SH3GL3: variants seen among roughly 807,000 people sequenced by gnomAD.
SH3GL3 encodes the protein SH3 domain containing GRB2 like 3, endophilin A3, also known as endophilin-A3.
Under a neutral mutation model 47.7 loss-of-function variants are expected in SH3GL3, and 33 were observed. That is an observed-to-expected ratio of 0.69 (90% CI 0.52 to 0.92). The LOEUF (loss-of-function observed/expected upper bound fraction) is 0.92. Ranked by LOEUF, SH3GL3 falls within the 40% of genes least tolerant of loss-of-function variation. The probability of loss-of-function intolerance (pLI) is 0.00; values close to 1 mark genes in which losing one functional copy is unlikely to be tolerated. For synonymous variants in SH3GL3, 155 were observed against 148.8 expected (o/e 1.04, Z -0.30); for missense variants, 363 against 417.8 (o/e 0.87, Z 1.14).
chr15:83,622,260 C>T (rs2141314237), downstream of SH3GL3, among the ~76,000 whole-genome samples: 1 of 152,292 alleles, frequency 6.6e-6, no homozygotes, highest in South Asian at 2.1e-4. Flanking sequence ...AATCCAGTCT[C>T]CCTCCCATGC....
At chr15:83,469,207 GTCTTC>G (rs2151527144) in intron 1 of SH3GL3, among the ~76,000 whole-genome samples, 1 of 151,964 alleles carries the variant, frequency 6.6e-6, no homozygotes, top group East Asian at 1.9e-4. Flanking sequence ...GGTAATTTTT[GTCTTC>G]TCTTTTTCTT....
intron 6 of SH3GL3, 124 bp downstream of exon 6, chr15:83,576,865 A>C: frequency 1.7e-6 from 1 of 571,634 alleles, no homozygotes; most frequent in Non-Finnish European, 3.0e-6. Flanking sequence ...TCCCTGGGCC[A>C]CACATAAAAT....
the SH3GL3 span, among the ~76,000 whole-genome samples, chr15:83,625,874 C>T: frequency 2.0e-5 from 3 of 151,900 alleles, no homozygotes; most frequent in African/African-American, 7.3e-5. Flanking sequence ...GCTCTGTCAC[C>T]CAGGCTGGAG....
At chr15:83,520,437 G>C (rs1039128932) in intron 1 of SH3GL3, among the ~76,000 whole-genome samples, 4 of 152,144 alleles carry the variant, frequency 2.6e-5, no homozygotes, top group Admixed American at 6.5e-5. Context: ...ATTTGCGTGT[G>C]GTGAGAGGTA....
the SH3GL3 span, among the ~76,000 whole-genome samples, chr15:83,624,766 C>A: frequency 1.3e-5 from 2 of 152,132 alleles, no homozygotes; most frequent in Admixed American, 1.3e-4. Flanking sequence ...GAGATCCCAT[C>A]CCTACAAAAA....
intron 2 of SH3GL3, among the ~76,000 whole-genome samples, chr15:83,563,890 A>G (rs898719958): frequency 2.0e-5 from 3 of 152,168 alleles, no homozygotes; most frequent in Admixed American, 1.3e-4. Flanking sequence ...CACCTGCCTC[A>G]GCCTCCCAGA....
chr15:83,469,598 GT>G lies in SH3GL3; in HGVS notation c.45+22027del, dbSNP rs1225650266. Reference sequence around the variant, plus strand: ...TGATCCATGTATCATTTAGAAGTTTGTTTTTTTAGTTTCCAAGTGTTTGGGA... The same window carrying G: ...TGATCCATGTATCATTTAGAAGTTTGTTTTTTAGTTTCCAAGTGTTTGGGA... On this transcript the variant is annotated intron_variant, in intron 1 of 8. Transcript: ENST00000427482. 2.0e-5 allele frequency among the ~76,000 whole-genome samples: 3 copies of G among 152,078 alleles called. 1 individual carries two copies. Among genetic ancestry groups the G allele is most frequent in the South Asian group, 4.2e-4 (2 of 4,812 alleles).
intron 1 of SH3GL3, among the ~76,000 whole-genome samples, chr15:83,500,112 A>G (rs1427853371): frequency 6.6e-6 from 1 of 152,148 alleles, no homozygotes; most frequent in Non-Finnish European, 1.5e-5. Context: ...TGGAAGGTGC[A>G]CTCACATTCT....
intron 8 of SH3GL3, among the ~76,000 whole-genome samples, chr15:83,612,733 C>T (rs1337876774): frequency 6.6e-6 from 1 of 152,184 alleles, no homozygotes; most frequent in Non-Finnish European, 1.5e-5. Flanking sequence ...TCCCTGCCTC[C>T]AGAAAGAGCT....
intron 8 of SH3GL3, among the ~76,000 whole-genome samples, chr15:83,610,638 G>A (rs113735083): frequency 7.9e-5 from 12 of 152,276 alleles, no homozygotes; most frequent in African/African-American, 2.6e-4. Flanking sequence ...GATCAAGAAC[G>A]TGGACTCTCT....
In SH3GL3 at chr15:83,447,609, G is replaced by T; in HGVS notation, c.45+31G>T. 1 of 1,451,694 alleles carries T rather than the reference G, an allele frequency of 6.9e-7. No homozygotes were observed. The highest frequency in any genetic ancestry group is 2.3e-5 in the Admixed American group (1 of 42,678). The allele number at this position is 1,451,694 out of a possible 1,614,324, so 89.9% of individuals were successfully genotyped here. A position where few individuals can be genotyped will look rare whatever the true frequency, so the allele number is the denominator to read the frequency against. On this transcript the variant is annotated intron_variant, in intron 1 of 8. Coordinates refer to ENST00000427482, the MANE Select transcript of SH3GL3 (RefSeq NM_003027.5). The surrounding 1 kb of genome is among the most constrained non-coding windows in gnomAD (Gnocchi z 5.1). Reference sequence around the variant, plus strand: ...GAGGCGCAGAGGAGGGAAGGAGGGAGGGGGACGCGGAGGCTGCGGCCCCCC... The same window carrying T: ...GAGGCGCAGAGGAGGGAAGGAGGGATGGGGACGCGGAGGCTGCGGCCCCCC...
chr15:83,479,009 G>A (rs1216727050), intron 1 of SH3GL3, among the ~76,000 whole-genome samples: 1 of 152,190 alleles, frequency 6.6e-6, no homozygotes, highest in Non-Finnish European at 1.5e-5. Flanking sequence ...TTCCTGGGGA[G>A]CAGAACGCCT....
At chr15:83,595,347 G>C (rs1222849830) in intron 8 of SH3GL3, among the ~76,000 whole-genome samples, 2 of 152,078 alleles carry the variant, frequency 1.3e-5, no homozygotes, top group African/African-American at 4.8e-5. Context: ...AGTGGGGCCT[G>C]CTTGAGGGTG....
At chr15:83,617,683 GATAA>G (rs933160368) in intron 8 of SH3GL3, among the ~76,000 whole-genome samples, 12 of 152,140 alleles carry the variant, frequency 7.9e-5, no homozygotes, top group Non-Finnish European at 1.5e-4. Context: ...CTCAAAAATA[GATAA>G]ATAAATAAAT....
intron 1 of SH3GL3, among the ~76,000 whole-genome samples, chr15:83,484,363 GTT>G (rs988869016): frequency 6.6e-6 from 1 of 151,980 alleles, no homozygotes; most frequent in Non-Finnish European, 1.5e-5. Flanking sequence ...CGTTTTCCTT[GTT>G]TTTTGCTTTC....
At chr15:83,628,174 G>T in the SH3GL3 span, among the ~76,000 whole-genome samples, 1 of 152,126 alleles carries the variant, frequency 6.6e-6, no homozygotes, top group South Asian at 2.1e-4. Context: ...CACAAGTCAG[G>T]TAATTCCATC....
chr15:83,464,017 C>T (rs2040445178), intron 1 of SH3GL3, among the ~76,000 whole-genome samples: 1 of 152,176 alleles, frequency 6.6e-6, no homozygotes, highest in African/African-American at 2.4e-5. Context: ...CCGCCTCGGC[C>T]TCCCAAAGTG....
At chr15:83,629,540 C>T in the SH3GL3 span, among the ~76,000 whole-genome samples, 1 of 152,196 alleles carries the variant, frequency 6.6e-6, no homozygotes, top group Admixed American at 6.5e-5. Context: ...GTATCATAGC[C>T]TGGGTGCAGT....
Position 83,573,956 on chromosome 15 carries a change from G to C in SH3GL3, c.465+1258G>C, listed in dbSNP as rs139487991. On this transcript the variant is annotated intron_variant, in intron 5 of 8. Transcript: ENST00000427482. ...GAGATGAGCCCAGGGACATGAAGGA[G>C]AAGCACCTCTTTCAGCCTGGATGGG... 5.6e-3 allele frequency among the ~76,000 whole-genome samples: 858 copies of C among 152,308 alleles called. 6 individuals are homozygous for C. Among genetic ancestry groups the C allele is most frequent in the Non-Finnish European group, 7.2e-3 (490 of 68,022 alleles).
Sources: gnomAD v4.1 joint callset for allele counts (sites outside exome capture counted in the v4.1 genomes callset) on GRCh38, gnomAD v4.1.1 for gene constraint, Gnocchi (gnomAD v3.1) non-coding constraint, MANE v1.5 for transcripts, NCBI Gene and HGNC (gene_info 2026-07-23, HGNC 2026-07-21) for gene names.